The following AK9 variants were observed in gnomAD, a reference collection of about 807,000 sequenced individuals.
AK9 encodes the protein adenylate kinase 9, also known as adenylate kinase domain containing 1.
In AK9, 191 loss-of-function variants were observed where a neutral mutation model predicts 239.6. That is an observed-to-expected ratio of 0.80 (90% CI 0.71 to 0.90). The LOEUF (loss-of-function observed/expected upper bound fraction) is 0.90. Ranked by LOEUF, AK9 falls within the 40% of genes least tolerant of loss-of-function variation. AK9 has a pLI of 0.00. For missense variants in AK9, 1,995 were observed against 2,214.7 expected (o/e 0.90, Z 1.99); for synonymous variants, 689 against 721.0 (o/e 0.96, Z 0.71).
In AK9 at chr6:109,601,259, A is replaced by T. The variant is rs1224895158; in HGVS notation, c.1842+9106T>A. 3.3e-5 allele frequency among the ~76,000 whole-genome samples: 5 copies of T among 152,080 alleles called. No homozygotes were observed. The East Asian group carries it at 7.7e-4, about 23-fold the overall frequency. On this transcript the variant is annotated intron_variant, in intron 17 of 40. Transcript: ENST00000424296. The stretch of plus-strand genomic sequence containing the variant: ...ACACACTGCTTTAAATGTATCCCAG[A>T]GATTCTGGTATGTTGTGTCTTTGTT...
intron 3 of AK9, 103 bp from the exon 4 acceptor site, chr6:109,672,270 T>C: frequency 9.9e-7 from 1 of 1,013,022 alleles, no homozygotes; most frequent in Non-Finnish European, 1.5e-6. Flanking sequence ...TTAACATTTG[T>C]GCATCACTTT....
intron 24 of AK9, among the ~76,000 whole-genome samples, chr6:109,552,775 G>T (rs1003274954): frequency 6.6e-6 from 1 of 152,112 alleles, no homozygotes; most frequent in African/African-American, 2.4e-5. Context: ...TGAAGTCTTT[G>T]CCCATGCCTA....
intron 8 of AK9, among the ~76,000 whole-genome samples, chr6:109,645,275 C>T (rs967183734): frequency 6.6e-6 from 1 of 152,134 alleles, no homozygotes; most frequent in Non-Finnish European, 1.5e-5. Context: ...CTGGGAAGCA[C>T]AAGGGGTGGG....
chr6:109,504,954 T>C (rs1378412790), intron 35 of AK9, among the ~76,000 whole-genome samples: 1 of 152,138 alleles, frequency 6.6e-6, no homozygotes, highest in Non-Finnish European at 1.5e-5. Flanking sequence ...GAGGCTGAAA[T>C]AGAGTAACAG....
intron 17 of AK9, among the ~76,000 whole-genome samples, chr6:109,597,208 A>T (rs1263100451): frequency 6.6e-6 from 1 of 152,172 alleles, no homozygotes; most frequent in East Asian, 1.9e-4. Context: ...ACATTGCCAC[A>T]TTGCTGCCAA....
chr6:109,549,945 T>A, intron 25 of AK9, 145 bp downstream of exon 25: 1 of 844,030 alleles, frequency 1.2e-6, no homozygotes, highest in East Asian at 2.8e-5. Context: ...ATTACAGGCG[T>A]GAGCCACCGC....
Position 109,514,360 on chromosome 6 carries a change from A to C in AK9, c.4143T>G (p.Ile1381Met), listed in dbSNP as rs1252486007. ...TTGTTTCTTTACTAGATAAAAAATA[A>C]ATATACTGACGATGGATTACAGGAT... ...PIYPVIHRQY[I>M]YFLSSKETKE... Residue 1381 changes from isoleucine to methionine, a missense_variant, in exon 32 of 41, where the codon ATT (isoleucine) becomes ATG (methionine). By Grantham distance (10) the Ile-to-Met change is conservative (BLOSUM62 1). Transcript: ENST00000424296. The C allele has an allele frequency of 2.6e-6, 4 of 1,551,076 alleles. No individual in the cohort carries two copies. The Admixed American group carries it at 7.8e-5, about 30-fold the overall frequency.
rs769603742 is a variant in AK9 at position 109,542,142 on chromosome 6, T to C, written c.3255A>G (p.Glu1085=). 3.7e-6 allele frequency: 6 copies of C among 1,603,606 alleles called. No individual in the cohort carries two copies. The highest frequency in any genetic ancestry group is 2.7e-5 in the African/African-American group (2 of 74,352). The change falls in exon 27 of 41, where the codon GAA becomes GAG. Residue 1085 remains glutamate (E), a synonymous_variant. Coordinates refer to ENST00000424296, the MANE Select transcript of AK9 (RefSeq NM_001145128.3). ...QLPEVQLTEE[E]EVIKSSLMEN... is the part of the protein sequence containing the mutation. ...CCATTAGACTTGATTTGATTACTTC[T>C]TCTTCTTCTGTAAGTTGTACTTCTG...
chr6:109,592,614 T>C (rs1460827943), intron 17 of AK9, among the ~76,000 whole-genome samples: 1 of 151,804 alleles, frequency 6.6e-6, no homozygotes, highest in Admixed American at 6.6e-5. Flanking sequence ...GCCCGGCTAA[T>C]TTTTTGTATT....
intron 8 of AK9, among the ~76,000 whole-genome samples, chr6:109,651,007 C>T (rs1451408101): frequency 2.0e-5 from 3 of 152,018 alleles, no homozygotes; most frequent in East Asian, 1.9e-4. Context: ...TGCATGTTCT[C>T]ACTCATAGGT....
chr6:109,609,048 A>C (rs1344681662), intron 17 of AK9, among the ~76,000 whole-genome samples: 1 of 152,202 alleles, frequency 6.6e-6, no homozygotes, highest in African/African-American at 2.4e-5. Flanking sequence ...TGACAACCTG[A>C]TATGAGCTTT....
intron 39 of AK9, among the ~76,000 whole-genome samples, chr6:109,495,119 C>T (rs1457411900): frequency 6.6e-6 from 1 of 152,224 alleles, no homozygotes; most frequent in Non-Finnish European, 1.5e-5. Flanking sequence ...TTTCTCTTCA[C>T]TTTAGTGCAG....
At chr6:109,683,616 G>C (rs541058462) in intron 1 of AK9, among the ~76,000 whole-genome samples, 3 of 152,240 alleles carry the variant, frequency 2.0e-5, no homozygotes, top group Admixed American at 1.3e-4. Flanking sequence ...CAGACAAACA[G>C]AGGGCCAAAT....
intron 31 of AK9, among the ~76,000 whole-genome samples, chr6:109,514,998 A>C (rs1779127281): frequency 6.6e-6 from 1 of 152,206 alleles, no homozygotes; most frequent in Non-Finnish European, 1.5e-5. Context: ...CACACAGAAA[A>C]GGCCACGTGG....
chr6:109,609,187 A>G (rs1192604802), intron 17 of AK9, among the ~76,000 whole-genome samples: 1 of 152,194 alleles, frequency 6.6e-6, no homozygotes, highest in Admixed American at 6.5e-5. Flanking sequence ...TAAACTCTGA[A>G]GAGAATGGAG....
rs2128374618 is a variant in AK9 at position 109,691,132 on chromosome 6, T to C, written c.-12+15A>G. ...GTCGACTTTTTCTCCGCCCATGTTT[T>C]CCTCCAATCCTTACCAAAGATGGTG... On this transcript the variant is annotated intron_variant, in intron 1 of 40. Transcript: ENST00000424296. 3 of 529,258 alleles carry C rather than the reference T, an allele frequency of 5.7e-6. No individual in the cohort carries two copies. Among genetic ancestry groups the C allele is most frequent in the East Asian group, 6.2e-5 (2 of 32,166 alleles). The allele number at this position is 529,258 out of a possible 1,614,324, so 32.8% of individuals were successfully genotyped here.
At chr6:109,594,415 A>G (rs918633318) in intron 17 of AK9, among the ~76,000 whole-genome samples, 3 of 152,250 alleles carry the variant, frequency 2.0e-5, no homozygotes, top group Non-Finnish European at 1.5e-5. Context: ...AAGAATCAAT[A>G]TCATGAAAAT....
chr6:109,563,536 C>A, intron 24 of AK9, 61 bp downstream of exon 24: 1 of 1,531,680 alleles, frequency 6.5e-7, no homozygotes. Context: ...AGTTACCACT[C>A]TTATTTGCAT....
At chr6:109,533,066 G>A (rs1781493010) in intron 28 of AK9, among the ~76,000 whole-genome samples, 185 bp downstream of exon 28, 1 of 152,138 alleles carries the variant, frequency 6.6e-6, no homozygotes, top group South Asian at 2.1e-4. Flanking sequence ...TTAACACATT[G>A]ATCACCACAA....
Sources: allele counts gnomAD v4.1 joint callset (sites outside exome capture counted in the v4.1 genomes callset), GRCh38; gene constraint gnomAD v4.1.1; transcripts MANE v1.5; gene names NCBI Gene and HGNC (gene_info 2026-07-23, HGNC 2026-07-21).